Variants in DOCK9 observed in about 807,000 individuals in gnomAD.
The protein encoded by DOCK9 is dedicator of cytokinesis protein 9.
DOCK9 carries 89 observed loss-of-function variants against 263.3 expected under a neutral mutation model. The observed-to-expected ratio is 0.34, with a 90% CI of 0.28 to 0.40. The LOEUF (loss-of-function observed/expected upper bound fraction) is 0.40, where lower values mean the gene tolerates loss of function less well. DOCK9 is among the 10% of genes least tolerant of loss of function. The probability of loss-of-function intolerance (pLI) is 1.00; values close to 1 mark genes in which losing one functional copy is unlikely to be tolerated. For synonymous variants in DOCK9, 976 were observed against 973.1 expected (o/e 1.00, Z -0.06); for missense variants, 2,140 against 2,603.4 (o/e 0.82, Z 3.87).
chr13:98,998,129 G>C (rs570124177), intron 1 of DOCK9, among the ~76,000 whole-genome samples: 24 of 152,342 alleles, frequency 1.6e-4, no homozygotes, highest in African/African-American at 5.8e-4. Context: ...TCACAGATGA[G>C]AACAGCTGAG....
chr13:98,796,354 C>T (rs9554523), intron 52 of DOCK9: 1 of 692,984 alleles, frequency 1.4e-6, no homozygotes, highest in Non-Finnish European at 2.6e-6. Context: ...TTCCACTGTG[C>T]CAGACTGAAG....
chr13:99,015,487 C>A, intron 1 of DOCK9: 1 of 1,597,120 alleles, frequency 6.3e-7, no homozygotes, highest in Non-Finnish European at 8.5e-7. Flanking sequence ...TTCTTTTGTC[C>A]AATTGTATGC....
intron 2 of DOCK9, 145 bp downstream of exon 2, chr13:98,955,290 G>C (rs1595619403): frequency 2.1e-6 from 1 of 479,344 alleles, no homozygotes; most frequent in African/African-American, 2.0e-5. Context: ...CTGCACTCAA[G>C]CCTGCGTGAC....
In DOCK9 at chr13:98,978,051, G is replaced by C; in HGVS notation, c.-142C>G. 2.1e-6 allele frequency: 3 copies of C among 1,435,844 alleles called. No homozygotes were observed. The South Asian group carries it at 4.6e-5, about 22-fold the overall frequency. The allele number at this position is 1,435,844 out of a possible 1,614,324, so 88.9% of individuals were successfully genotyped here. A position where few individuals can be genotyped will look rare whatever the true frequency, so the allele number is the denominator to read the frequency against. On this transcript the variant is annotated 5_prime_UTR_variant, in exon 1 of 53. Transcript: ENST00000682017. ...CACAAGTGGTCAGCCCCGCTGGCTG[G>C]GTCTGCAGAGCCTGTGGGGTGGGAA...
intron 52 of DOCK9, chr13:98,796,330 C>T (rs2089400404): frequency 1.2e-6 from 1 of 844,510 alleles, no homozygotes; most frequent in Non-Finnish European, 2.0e-6. Flanking sequence ...GATCACTCCA[C>T]AAACGGCCCT....
At position 98,898,280 on chromosome 13, in the gene DOCK9, A is replaced by C. The variant is rs2047735288; in HGVS notation, c.1504-19T>G. 2 of 1,595,926 alleles carry C rather than the reference A, an allele frequency of 1.3e-6. No homozygotes were observed. The highest frequency in any genetic ancestry group is 2.7e-5 in the African/African-American group (2 of 74,762). On this transcript the variant is annotated intron_variant, in intron 13 of 52. Transcript: ENST00000682017. Reference sequence around the variant, plus strand: ...GGGCCACCTTGAAGACATGAGAATAAAGCTATGAGATACTGCATCTCACTG... The same window carrying C: ...GGGCCACCTTGAAGACATGAGAATACAGCTATGAGATACTGCATCTCACTG...
chr13:98,903,943 T>G (rs1450248567), intron 10 of DOCK9, among the ~76,000 whole-genome samples: 3 of 152,000 alleles, frequency 2.0e-5, no homozygotes, highest in African/African-American at 7.2e-5. Flanking sequence ...GTTCACAGAG[T>G]AGAACAGAGG....
intron 1 of DOCK9, among the ~76,000 whole-genome samples, chr13:99,038,546 TCCAC>T (rs1284385174): frequency 1.3e-5 from 2 of 152,034 alleles, no homozygotes; most frequent in South Asian, 2.1e-4. Flanking sequence ...CATCAGGTGA[TCCAC>T]CCACCTCAGC....
At chr13:98,844,564 T>C (rs1204026424) in intron 38 of DOCK9, among the ~76,000 whole-genome samples, 4 of 152,090 alleles carry the variant, frequency 2.6e-5, no homozygotes, top group Admixed American at 1.3e-4. Context: ...GGTTTCACCA[T>C]GTTGGCCAGG....
intron 2 of DOCK9, among the ~76,000 whole-genome samples, chr13:98,952,026 T>C (rs2057490986): frequency 6.6e-6 from 1 of 151,408 alleles, no homozygotes; most frequent in South Asian, 2.1e-4. Context: ...GCCTCCCAAG[T>C]AGCTGGGATT....
At chr13:98,901,923 C>T (rs752885832) in intron 12 of DOCK9, 23 bp from the exon 13 acceptor site, 1 of 1,607,826 alleles carries the variant, frequency 6.2e-7, no homozygotes, top group South Asian at 1.1e-5. Flanking sequence ...CAATTTTCTT[C>T]AGTAAGCAGA....
At chr13:98,880,950 A>G (rs1397417001) in intron 25 of DOCK9, among the ~76,000 whole-genome samples, 4 of 152,252 alleles carry the variant, frequency 2.6e-5, no homozygotes, top group African/African-American at 9.6e-5. Context: ...GTGTGGCACA[A>G]CAATGTATGA....
upstream of DOCK9, among the ~76,000 whole-genome samples, chr13:98,981,218 G>A (rs1877124467): frequency 6.6e-6 from 1 of 151,726 alleles, no homozygotes; most frequent in African/African-American, 2.4e-5. Context: ...CACCACACCT[G>A]GCTAATTTTT....
chr13:98,920,492 T>C (rs9517484), intron 7 of DOCK9, among the ~76,000 whole-genome samples: 96,708 of 152,054 alleles, frequency 0.64, 31,418 homozygotes, highest in Middle Eastern at 0.77. Flanking sequence ...GGTTACACAG[T>C]TGGTAAGTGG....
At chr13:99,061,422 A>T (rs1228511354) in intron 1 of DOCK9, among the ~76,000 whole-genome samples, 1 of 152,106 alleles carries the variant, frequency 6.6e-6, no homozygotes, top group Non-Finnish European at 1.5e-5. Flanking sequence ...TGTCTTAGAG[A>T]CCCTCCTTGC....
intron 38 of DOCK9, among the ~76,000 whole-genome samples, chr13:98,838,199 A>G (rs989749708): frequency 2.6e-5 from 4 of 152,288 alleles, no homozygotes; most frequent in African/African-American, 9.6e-5. Flanking sequence ...CCACTCTGCC[A>G]CTCACCAGCT....
Position 98,950,346 on chromosome 13 carries a change from A to C in DOCK9, c.243+5089T>G, listed in dbSNP as rs555663422. 3 of 905,450 alleles carry C rather than the reference A, an allele frequency of 3.3e-6. No homozygotes were observed. The South Asian group carries it at 4.2e-5, about 13-fold the overall frequency. 56.1% of individuals were successfully genotyped at this position (905,450 alleles called of 1,614,324 possible). A position where few individuals can be genotyped will look rare whatever the true frequency, so the allele number is the denominator to read the frequency against. On this transcript the variant is annotated intron_variant, in intron 2 of 52. Coordinates refer to ENST00000682017, the MANE Select transcript of DOCK9 (RefSeq NM_001366683.2). ...CTTTCTTCTGCTCCTTCTTTGCTAAAAGTGCCTGCTTTGCCTGAGTGGCTT... is the reference window on the plus strand; with the variant it reads ...CTTTCTTCTGCTCCTTCTTTGCTAACAGTGCCTGCTTTGCCTGAGTGGCTT...
intron 1 of DOCK9, among the ~76,000 whole-genome samples, chr13:98,983,093 T>A (rs1340759150): frequency 6.6e-6 from 1 of 152,132 alleles, no homozygotes; most frequent in Non-Finnish European, 1.5e-5. Flanking sequence ...TCTTGGCATA[T>A]CAGAAGGATA....
chr13:99,060,406 A>G (rs1481100980), intron 1 of DOCK9, among the ~76,000 whole-genome samples: 1 of 152,166 alleles, frequency 6.6e-6, no homozygotes, highest in East Asian at 1.9e-4. Context: ...GCTATTATCC[A>G]TAATACTACT....
Sources: allele counts gnomAD v4.1 joint callset (sites outside exome capture counted in the v4.1 genomes callset), GRCh38; gene constraint gnomAD v4.1.1; transcripts MANE v1.5; gene names NCBI Gene and HGNC (gene_info 2026-07-23, HGNC 2026-07-21).